Variants in RARB observed in about 807,000 individuals in gnomAD.
The protein encoded by RARB is retinoic acid receptor beta.
In RARB, 17 loss-of-function variants were observed where a neutral mutation model predicts 51.9. That is an observed-to-expected ratio of 0.33 (90% CI 0.22 to 0.49). RARB has a LOEUF of 0.49. Ranked by LOEUF, RARB falls within the 20% of genes least tolerant of loss-of-function variation. The pLI, the probability that RARB is intolerant of heterozygous loss-of-function variation, is 0.99. For missense variants in RARB, 369 were observed against 550.8 expected, an observed-to-expected ratio of 0.67 and a Z score of 3.30; for synonymous variants, 215 against 195.4, an observed-to-expected ratio of 1.10 and a Z score of -0.84.
intron 5 of RARB, among the ~76,000 whole-genome samples, chr3:25,201,981 T>A (rs1252120031): frequency 6.6e-6 from 1 of 152,204 alleles, no homozygotes; most frequent in Non-Finnish European, 1.5e-5. Context: ...CCTCTTTTTC[T>A]ATTGATTGGA....
At chr3:25,109,851 C>T (rs764329398) in intron 3 of RARB, among the ~76,000 whole-genome samples, 8 of 152,202 alleles carry the variant, frequency 5.3e-5, no homozygotes, top group Non-Finnish European at 1.2e-4. Context: ...GAGCTACCAG[C>T]ACCTACCAGG....
At chr3:25,425,027 T>C (rs891920842), upstream of RARB, among the ~76,000 whole-genome samples, 1 of 152,222 alleles carries the variant, frequency 6.6e-6, no homozygotes, top group South Asian at 2.1e-4. Flanking sequence ...TTGCTTTTTG[T>C]TTTTCACTTT....
chr3:25,577,844 TG>T (rs1359298254), intron 4 of RARB, among the ~76,000 whole-genome samples: 3 of 145,176 alleles, frequency 2.1e-5, no homozygotes, highest in Admixed American at 7.0e-5. Context: ...AAGATGGCCC[TG>T]GGGGGCCATG....
intron 2 of RARB, among the ~76,000 whole-genome samples, chr3:25,498,065 G>T (rs1697126859): frequency 6.6e-6 from 1 of 152,190 alleles, no homozygotes; most frequent in Non-Finnish European, 1.5e-5. Context: ...CAGTATGAGT[G>T]AAATGACATC....
chr3:25,336,538 C>T (rs1428003479), intron 5 of RARB, among the ~76,000 whole-genome samples: 7 of 152,182 alleles, frequency 4.6e-5, no homozygotes, highest in African/African-American at 1.4e-4. Context: ...TGTAACACAA[C>T]TTCCTGGCCC....
intron 4 of RARB, among the ~76,000 whole-genome samples, chr3:25,159,000 C>G (rs546170885): frequency 6.6e-5 from 10 of 151,944 alleles, no homozygotes; most frequent in South Asian, 4.2e-4. Flanking sequence ...AGAGCTCGGT[C>G]TTATGCCCCC....
intron 5 of RARB, chr3:25,174,639 C>T (rs1433556646): frequency 1.5e-5 from 20 of 1,306,014 alleles, no homozygotes; most frequent in South Asian, 5.9e-5. Context: ...CCTGAGAAAA[C>T]GGAATGGTTG....
intron 2 of RARB, among the ~76,000 whole-genome samples, chr3:24,992,515 T>C (rs1180718726): frequency 1.3e-5 from 2 of 152,224 alleles, no homozygotes. Flanking sequence ...CTGATCTGTT[T>C]CATGGCTATA....
At chr3:25,119,435 A>G (rs1699743331) in intron 3 of RARB, among the ~76,000 whole-genome samples, 1 of 152,098 alleles carries the variant, frequency 6.6e-6, no homozygotes, top group Non-Finnish European at 1.5e-5. Flanking sequence ...CCATGGGTGT[A>G]TTGTGAGGAT....
In RARB at chr3:25,178,159, A is replaced by G. The variant is rs139881917; in HGVS notation, c.178+3584A>G. Among the ~76,000 whole-genome samples the G allele has an allele frequency of 2.3e-3, 347 of 152,164 alleles. 1 individual carries two copies. The highest frequency in any genetic ancestry group is 0.02 in the East Asian group (104 of 5,158). ...CTTTTCCGAAGGTCTGTTCTCAAGA[A>G]CTTTCTACCTTAAAGAAGAAAAGTT... On this transcript the variant is annotated intron_variant, in intron 5 of 11. Transcript: ENST00000383772.
At chr3:24,943,011 G>T (rs1229861733) in intron 2 of RARB, among the ~76,000 whole-genome samples, 3 of 152,108 alleles carry the variant, frequency 2.0e-5, no homozygotes, top group Non-Finnish European at 4.4e-5. Context: ...TGAAAAATCC[G>T]TAGGAAGACC....
chr3:25,118,376 A>T (rs1699725895), intron 3 of RARB, among the ~76,000 whole-genome samples: 4 of 152,108 alleles, frequency 2.6e-5, no homozygotes, highest in Non-Finnish European at 5.9e-5. Flanking sequence ...CCAGGATGGA[A>T]TGTGGAGTAT....
At chr3:25,269,165 C>G (rs1230635612) in intron 5 of RARB, among the ~76,000 whole-genome samples, 1 of 152,154 alleles carries the variant, frequency 6.6e-6, no homozygotes, top group African/African-American at 2.4e-5. Flanking sequence ...TATGTCTCAA[C>G]TTTGGGCTGT....
intron 2 of RARB, among the ~76,000 whole-genome samples, chr3:25,045,430 A>G (rs1698195579): frequency 6.6e-6 from 1 of 152,118 alleles, no homozygotes; most frequent in Admixed American, 6.5e-5. Flanking sequence ...GGTTTAAGTA[A>G]ATGGACAGCC....
At chr3:24,919,060 A>G (rs1695163991) in intron 2 of RARB, among the ~76,000 whole-genome samples, 1 of 152,144 alleles carries the variant, frequency 6.6e-6, no homozygotes, top group African/African-American at 2.4e-5. Context: ...CTCCTCTATA[A>G]AATAGCAATA....
intron 5 of RARB, 141 bp downstream of exon 5, chr3:25,580,863 G>A (rs1701146853): frequency 1.1e-6 from 1 of 895,896 alleles, no homozygotes; most frequent in Non-Finnish European, 1.6e-6. Flanking sequence ...CTTAGTAGGT[G>A]GACTCACCTA....
At chr3:25,044,435 G>A (rs1265189724) in intron 2 of RARB, among the ~76,000 whole-genome samples, 2 of 152,050 alleles carry the variant, frequency 1.3e-5, no homozygotes, top group Non-Finnish European at 1.5e-5. Context: ...ATTGTTGAGA[G>A]GAAGAAAGGA....
At chr3:25,097,813 G>A (rs532868867) in intron 3 of RARB, among the ~76,000 whole-genome samples, 1 of 152,172 alleles carries the variant, frequency 6.6e-6, no homozygotes, top group Non-Finnish European at 1.5e-5. Context: ...TTCTCCTTCG[G>A]GAGTGTATTT....
chr3:25,462,204 A>G (rs931277375), intron 2 of RARB: 3 of 152,254 alleles, frequency 2.0e-5, no homozygotes, highest in Admixed American at 1.3e-4. Flanking sequence ...CTGGAGGCTG[A>G]ACATGTGTCA....
Sources: gnomAD v4.1 joint callset for allele counts (sites outside exome capture counted in the v4.1 genomes callset) on GRCh38, gnomAD v4.1.1 for gene constraint, MANE v1.5 for transcripts, NCBI Gene and HGNC (gene_info 2026-07-23, HGNC 2026-07-21) for gene names.